Variants in MDH1B observed in about 807,000 individuals in gnomAD.
The protein encoded by MDH1B is malate dehydrogenase 1B, also known as putative malate dehydrogenase 1B.
In MDH1B, 60 loss-of-function variants were observed where a neutral mutation model predicts 61.4. That is an observed-to-expected ratio of 0.98 (90% CI 0.79 to 1.21). The LOEUF is 1.21. Among genes scored for constraint, MDH1B ranks in the 50% most tolerant of loss-of-function variants. MDH1B has a pLI of 0.00. For synonymous variants in MDH1B, 236 were observed against 218.7 expected (o/e 1.08, Z -0.70); for missense variants, 587 against 632.1 (o/e 0.93, Z 0.76).
intron 2 of MDH1B, among the ~76,000 whole-genome samples, chr2:206,758,959 G>GT (rs1199961005): frequency 4.2e-5 from 6 of 142,972 alleles, no homozygotes; most frequent in African/African-American, 1.7e-4. Context: ...GGCCAAGGCT[G>GT]TTTGTTTTTT....
chr2:206,759,943 G>A (rs1688992289), intron 2 of MDH1B, among the ~76,000 whole-genome samples: 1 of 152,192 alleles, frequency 6.6e-6, no homozygotes. Context: ...GAGAAAAGGT[G>A]ATGACTGTCA....
intron 9 of MDH1B, among the ~76,000 whole-genome samples, chr2:206,745,170 A>T (rs1441805205): frequency 1.3e-5 from 2 of 152,112 alleles, no homozygotes; most frequent in Non-Finnish European, 2.9e-5. Flanking sequence ...CACAGGTTGG[A>T]GTGATGCAGC....
rs754730181 is a variant in MDH1B, at chr2:206,756,926, T to C, written c.385A>G (p.Ile129Val). 2 of 1,614,190 alleles carry C rather than the reference T, an allele frequency of 1.2e-6. No homozygotes were observed. The highest frequency in any genetic ancestry group is 2.2e-5 in the East Asian group (1 of 44,878). ...EQEEEALKTC[I>V]NPLQVWITSA... is the part of the protein sequence containing the mutation. ...GTGATCCAGACCTGCAAGGGGTTGATGCAAGTTTTCAGGGCTTCTTCCTCC... is the reference window on the plus strand; with the variant it reads ...GTGATCCAGACCTGCAAGGGGTTGACGCAAGTTTTCAGGGCTTCTTCCTCC... Residue 129 changes from isoleucine to valine, a missense_variant, in exon 4 of 12, where the codon ATC (isoleucine) becomes GTC (valine). Coordinates refer to ENST00000374412, the MANE Select transcript of MDH1B (RefSeq NM_001039845.3).
At chr2:206,752,445 G>T (rs143956802) in intron 5 of MDH1B, among the ~76,000 whole-genome samples, 77 of 151,248 alleles carry the variant, frequency 5.1e-4, no homozygotes, top group African/African-American at 1.8e-3. Flanking sequence ...GCCCCCATCG[G>T]AATGATTCCT....
chr2:206,746,222 G>A (rs1310346306), intron 8 of MDH1B, 65 bp downstream of exon 8: 6 of 1,392,176 alleles, frequency 4.3e-6, no homozygotes, highest in Admixed American at 5.2e-5. Flanking sequence ...TGTATGCCTT[G>A]GCCTAGGAGA....
Position 206,765,230 on chromosome 2 carries a change from C to G in MDH1B, c.22+20G>C, listed in dbSNP as rs938161786. ...GTCGGCGTTTTGAGCAATCTGCGGG[C>G]GGACGCGGGGATCACTCACCCGCGA... On this transcript the variant is annotated intron_variant, in intron 1 of 11. Transcript: ENST00000374412. 1 of 1,599,922 alleles carries G rather than the reference C, an allele frequency of 6.3e-7. No homozygotes were observed. The highest frequency in any genetic ancestry group is 1.1e-5 in the South Asian group (1 of 89,404).
chr2:206,763,701 T>C (rs1689241148), intron 1 of MDH1B, among the ~76,000 whole-genome samples: 1 of 152,224 alleles, frequency 6.6e-6, no homozygotes, highest in African/African-American at 2.4e-5. Context: ...CCTAATAAAC[T>C]TATTTCAATT....
In MDH1B at chr2:206,746,377, A is replaced by T. The variant is rs751133953; in HGVS notation, c.1266T>A (p.Phe422Leu). ...KGIVFSMPVK[F>L]ENGTWVVLTD... ...TAAGAACCACCCAAGTTCCATTCTCAAATTTCACAGGCATAGAAAAGACGA... is the reference window on the plus strand; with the variant it reads ...TAAGAACCACCCAAGTTCCATTCTCTAATTTCACAGGCATAGAAAAGACGA... Residue 422 changes from phenylalanine to leucine, a missense_variant, in exon 8 of 12, where the codon TTT becomes TTA. Coordinates refer to ENST00000374412, the MANE Select transcript of MDH1B (RefSeq NM_001039845.3). 6.2e-7 allele frequency: 1 copy of T among 1,614,026 alleles called. No homozygotes were observed. The highest frequency in any genetic ancestry group is 8.5e-7 in the Non-Finnish European group (1 of 1,179,962).
chr2:206,755,341 C>A lies in MDH1B; in HGVS notation c.578G>T (p.Arg193Leu), dbSNP rs770074465. 1.9e-6 allele frequency: 3 copies of A among 1,614,164 alleles called. No individual in the cohort carries two copies. Among genetic ancestry groups the A allele is most frequent in the Non-Finnish European group, 2.5e-6 (3 of 1,180,038 alleles). ...CACCTTCGTGCAGATGGAGACACTGCGCAGGACGGGAGATGCCAGGTCTTG... is the reference window on the plus strand; with the variant it reads ...CACCTTCGTGCAGATGGAGACACTGAGCAGGACGGGAGATGCCAGGTCTTG... ...ETQDLASPVL[R>L]SVSICTKVEE... The change falls in exon 5 of 12, where the codon CGC becomes CTC. Residue 193 changes from arginine (R) to leucine (L), a missense_variant. Physicochemically the swap from Arg to Leu is moderately radical, Grantham distance 102 (BLOSUM62 -2). Coordinates refer to ENST00000374412, the MANE Select transcript of MDH1B (RefSeq NM_001039845.3).
At chr2:206,755,601 G>A in intron 4 of MDH1B, 96 bp from the exon 5 acceptor site, 1 of 1,435,934 alleles carries the variant, frequency 7.0e-7, no homozygotes, top group Non-Finnish European at 9.3e-7. Flanking sequence ...GCATCAATAG[G>A]GTGGTTTAAT....
chr2:206,759,363 T>A (rs972344021), intron 2 of MDH1B, among the ~76,000 whole-genome samples: 1 of 152,226 alleles, frequency 6.6e-6, no homozygotes, highest in Non-Finnish European at 1.5e-5. Flanking sequence ...ATGTACCACA[T>A]TTTCTTTCTC....
At chr2:206,757,982 C>G (rs956186189) in intron 2 of MDH1B, among the ~76,000 whole-genome samples, 1 of 152,160 alleles carries the variant, frequency 6.6e-6, no homozygotes, top group East Asian at 1.9e-4. Context: ...TTAAAAACCA[C>G]GTCATTGGAG....
intron 1 of MDH1B, among the ~76,000 whole-genome samples, chr2:206,764,991 A>T (rs1215507701): frequency 6.6e-6 from 1 of 152,190 alleles, no homozygotes; most frequent in Non-Finnish European, 1.5e-5. Context: ...TCATCGCGTT[A>T]ATCACACCGT....
At chr2:206,747,613 T>C (rs1304447059) in intron 7 of MDH1B, among the ~76,000 whole-genome samples, 1 of 152,180 alleles carries the variant, frequency 6.6e-6, no homozygotes, top group Non-Finnish European at 1.5e-5. Flanking sequence ...AGAAAAAGCC[T>C]TTGCCCTCAG....
intron 5 of MDH1B, among the ~76,000 whole-genome samples, chr2:206,753,129 G>GATCA (rs61595632): frequency 0.12 from 18,679 of 152,040 alleles, 1,658 homozygotes; most frequent in African/African-American, 0.26. Context: ...GAACTGAGAA[G>GATCA]ATCAACACAG....
intron 9 of MDH1B, among the ~76,000 whole-genome samples, chr2:206,744,599 T>C (rs993352651): frequency 6.6e-6 from 1 of 152,102 alleles, no homozygotes; most frequent in Admixed American, 6.6e-5. Context: ...AAAATAAATC[T>C]GGTGTTGTGA....
At chr2:206,741,187 G>A (rs1687788822) in intron 9 of MDH1B, 83 bp from the exon 10 acceptor site, 1 of 1,574,540 alleles carries the variant, frequency 6.4e-7, no homozygotes, top group South Asian at 1.1e-5. Flanking sequence ...CTGAGTCAAT[G>A]TTTTTCAAAC....
chr2:206,760,749 G>A, intron 2 of MDH1B, 152 bp downstream of exon 2: 1 of 525,756 alleles, frequency 1.9e-6, no homozygotes, highest in East Asian at 2.9e-5. Context: ...TTTTGAGACT[G>A]GTAAGTAGGG....
At position 206,765,252 on chromosome 2, in the gene MDH1B, G is replaced by T; in HGVS notation, c.20C>A (p.Ala7Glu). The change falls in exon 1 of 12, where the codon GCG becomes GAG. Residue 7 changes from alanine (A) to glutamate (E), a missense_variant and splice_region_variant. Transcript: ENST00000374412. ...GGGCGGACGCGGGGATCACTCACCC[G>T]CGATGACGAATTTGGCCATGGTCGA... Reference protein sequence around the residue: MAKFVIAGRADCPYYAK... With the variant: MAKFVIEGRADCPYYAK... 1 of 1,602,468 alleles carries T rather than the reference G, an allele frequency of 6.2e-7. No individual in the cohort carries two copies. The highest frequency in any genetic ancestry group is 8.5e-7 in the Non-Finnish European group (1 of 1,176,344).
Sources: allele counts gnomAD v4.1 joint callset (sites outside exome capture counted in the v4.1 genomes callset), GRCh38; gene constraint gnomAD v4.1.1; transcripts MANE v1.5; gene names NCBI Gene and HGNC (gene_info 2026-07-23, HGNC 2026-07-21).